The following ASIC4 variants were observed in gnomAD, a reference collection of about 807,000 sequenced individuals.
ASIC4 encodes the protein acid sensing ion channel subunit family member 4.
ASIC4 carries 28 observed loss-of-function variants against 53.4 expected under a neutral mutation model. That is an observed-to-expected ratio of 0.52 (90% CI 0.39 to 0.72). The LOEUF (loss-of-function observed/expected upper bound fraction) is 0.72. Among genes scored for constraint, ASIC4 ranks in the 30% least tolerant of loss-of-function variants. The probability of loss-of-function intolerance (pLI) is 0.00; values close to 1 mark genes in which losing one functional copy is unlikely to be tolerated. For synonymous variants in ASIC4, 289 were observed against 301.4 expected (o/e 0.96, Z 0.43); for missense variants, 649 against 729.7 (o/e 0.89, Z 1.27).
At chr2:219,514,221 T>C, upstream of ASIC4, 2 of 1,205,520 alleles carry the variant, frequency 1.7e-6, no homozygotes, top group Non-Finnish European at 2.2e-6. Flanking sequence ...GCCCCAGTCT[T>C]GGGATCTCTG....
At chr2:219,513,193 G>T (rs766468823), upstream of ASIC4, among the ~76,000 whole-genome samples, 1 of 151,160 alleles carries the variant, frequency 6.6e-6, no homozygotes, top group Non-Finnish European at 1.5e-5. Context: ...GCCCGTCCAC[G>T]CTTCCTCTCC....
Position 219,536,578 on chromosome 2 carries a change from C to T in ASIC4, c.1230-488C>T, listed in dbSNP as rs142817978. Among the ~76,000 whole-genome samples the T allele has an allele frequency of 2.7e-5, 4 of 150,920 alleles. No homozygotes were observed. Among genetic ancestry groups the T allele is most frequent in the East Asian group, 3.9e-4 (2 of 5,122 alleles). Reference sequence around the variant, plus strand: ...TCTGAGAGAGGAGGCAATGGGGAGGCGTCCAGTGACAGGACGTGGGGCGGT... The same window carrying T: ...TCTGAGAGAGGAGGCAATGGGGAGGTGTCCAGTGACAGGACGTGGGGCGGT... On this transcript the variant is annotated intron_variant, in intron 6 of 9. Coordinates refer to ENST00000358078, the MANE Select transcript of ASIC4 (RefSeq NM_018674.6). This position sits in a 1 kb window ranked among gnomAD's most constrained non-coding sequence, Gnocchi z 4.6.
intron 1 of ASIC4, among the ~76,000 whole-genome samples, chr2:219,519,280 T>C (rs1034344558): frequency 6.6e-6 from 1 of 152,242 alleles, no homozygotes; most frequent in African/African-American, 2.4e-5. Context: ...ACACATCGTA[T>C]ACTCTGTGTA....
intron 1 of ASIC4, among the ~76,000 whole-genome samples, chr2:219,527,367 C>A (rs1459156458): frequency 6.6e-6 from 1 of 152,270 alleles, no homozygotes; most frequent in African/African-American, 2.4e-5. Context: ...CCCTTTGTCA[C>A]CCCGACTCTG....
At chr2:219,507,443 G>A in the ASIC4 span, among the ~76,000 whole-genome samples, 1 of 152,250 alleles carries the variant, frequency 6.6e-6, no homozygotes, top group East Asian at 1.9e-4. Flanking sequence ...GCTTTTGGCA[G>A]GGTGGGGGTT....
intron 1 of ASIC4, among the ~76,000 whole-genome samples, chr2:219,530,231 G>A (rs924989769): frequency 6.6e-6 from 1 of 152,234 alleles, no homozygotes; most frequent in Admixed American, 6.5e-5. Context: ...GCCTGGCAGG[G>A]GGGAACTAGA....
At position 219,515,191 on chromosome 2, in the gene ASIC4, G is replaced by A. The variant is rs764587492; in HGVS notation, c.467G>A (p.Arg156His). 6 of 1,614,060 alleles carry A rather than the reference G, an allele frequency of 3.7e-6. No homozygotes were observed. Among genetic ancestry groups the A allele is most frequent in the Non-Finnish European group, 3.4e-6 (4 of 1,180,024 alleles). Residue 156 changes from arginine (R) to histidine (H), a missense_variant, in exon 1 of 10, where the codon CGC becomes CAC. Arg to His is a conservative substitution (Grantham distance 29, BLOSUM62 0). Transcript: ENST00000358078. ...DRDGHRAAGLRYPEPDMVDIL... is the reference protein window; with the variant it reads ...DRDGHRAAGLHYPEPDMVDIL... ...GATGGGCACCGTGCGGCTGGCCTGC[G>A]CTACCCAGAGCCTGACATGGTAGAC... is the stretch of plus-strand genomic sequence containing the variant.
intron 5 of ASIC4, chr2:219,533,308 C>G (rs1410276937): frequency 2.7e-6 from 1 of 373,776 alleles, no homozygotes; most frequent in Non-Finnish European, 5.1e-6. Flanking sequence ...CAAACCCCAT[C>G]TGTCCACAGA....
chr2:219,522,282 C>A (rs994351583), intron 1 of ASIC4, among the ~76,000 whole-genome samples: 1 of 151,954 alleles, frequency 6.6e-6, no homozygotes, highest in Non-Finnish European at 1.5e-5. Flanking sequence ...AAATCCGTGG[C>A]GCTTGGCTCA....
At position 219,534,345 on chromosome 2, in the gene ASIC4, G is replaced by A. The variant is rs895290435; in HGVS notation, c.1076-826G>A. On this transcript the variant is annotated intron_variant, in intron 5 of 9. Transcript: ENST00000358078. Reference sequence around the variant, plus strand: ...GAGTAAGGTGCCTGCAAGGCACAGCGGTAGACCACAGAGCTAGCAACATGG... The same window carrying A: ...GAGTAAGGTGCCTGCAAGGCACAGCAGTAGACCACAGAGCTAGCAACATGG... 7.9e-5 allele frequency among the ~76,000 whole-genome samples: 12 copies of A among 152,366 alleles called. 1 individual carries two copies. The highest frequency in any genetic ancestry group is 2.6e-4 in the Admixed American group (4 of 15,306).
chr2:219,514,796 G>C lies in ASIC4; in HGVS notation c.72G>C (p.Gly24=). Reference sequence around the variant, plus strand: ...CGAAACCCAAGGAGAAGGAGGCAGGGGATGAGCAGAGCCTCCTCGGGGCTG... The same window carrying C: ...CGAAACCCAAGGAGAAGGAGGCAGGCGATGAGCAGAGCCTCCTCGGGGCTG... ...EDAKPKEKEA[G]DEQSLLGAVA... Residue 24 remains glycine, a synonymous_variant, in exon 1 of 10, where the codon GGG becomes GGC. Transcript: ENST00000358078. The C allele has an allele frequency of 6.2e-7, 1 of 1,613,504 alleles. No homozygotes were observed. Among genetic ancestry groups the C allele is most frequent in the Non-Finnish European group, 8.5e-7 (1 of 1,180,002 alleles).
At chr2:219,521,902 C>G (rs867155881) in intron 1 of ASIC4, among the ~76,000 whole-genome samples, 2 of 152,120 alleles carry the variant, frequency 1.3e-5, no homozygotes, top group Admixed American at 6.5e-5. Context: ...TTTTGCAAAT[C>G]ATGGTGGAAA....
intron 1 of ASIC4, among the ~76,000 whole-genome samples, chr2:219,527,019 G>A (rs763086483): frequency 1.3e-5 from 2 of 152,204 alleles, no homozygotes; most frequent in Non-Finnish European, 2.9e-5. Context: ...TTCCGTGACC[G>A]GACCCTGGAC....
At chr2:219,535,380 G>A in intron 6 of ASIC4, 56 bp downstream of exon 6, 1 of 1,499,394 alleles carries the variant, frequency 6.7e-7, no homozygotes, top group Non-Finnish European at 9.0e-7. Context: ...ACGTGTGTGT[G>A]GGGGGTGGCT....
chr2:219,508,986 CAG>C, the ASIC4 span, among the ~76,000 whole-genome samples: 1 of 151,054 alleles, frequency 6.6e-6, no homozygotes, highest in Non-Finnish European at 1.5e-5. Flanking sequence ...GAGCCGGGGA[CAG>C]GGACCGAGTG....
In ASIC4 at chr2:219,516,793, G is replaced by A. The variant is rs1359415768; in HGVS notation, c.582+1487G>A. 6.6e-6 allele frequency: 1 copy of A among 152,464 alleles called. No homozygotes were observed. Among genetic ancestry groups the A allele is most frequent in the South Asian group, 2.1e-4 (1 of 4,826 alleles). The allele number at this position is 152,464 out of a possible 1,614,324, so 9.4% of individuals were successfully genotyped here. The stretch of plus-strand genomic sequence containing the variant: ...CTGGGGCCTCCCGCCATTGGGCAGG[G>A]GAGTTAGGTAGAAATAGAGGGACAG... On this transcript the variant is annotated intron_variant, in intron 1 of 9. Transcript: ENST00000358078. The surrounding 1 kb of genome is among the most constrained non-coding windows in gnomAD (Gnocchi z 4.9).
intron 1 of ASIC4, among the ~76,000 whole-genome samples, chr2:219,528,985 A>G (rs558907770): frequency 6.6e-6 from 1 of 151,984 alleles, no homozygotes; most frequent in South Asian, 2.1e-4. Flanking sequence ...TGGCCCATGG[A>G]CTCTCAGCCT....
chr2:219,522,111 T>C (rs1183631419), intron 1 of ASIC4, among the ~76,000 whole-genome samples: 1 of 152,124 alleles, frequency 6.6e-6, no homozygotes, highest in Non-Finnish European at 1.5e-5. Context: ...ATGCTCACCA[T>C]GCCCTTGGGA....
upstream of ASIC4, among the ~76,000 whole-genome samples, chr2:219,513,181 C>G (rs142264635): frequency 4.1e-4 from 62 of 152,254 alleles, no homozygotes; most frequent in South Asian, 6.8e-3. Flanking sequence ...CCACCTCCCC[C>G]CGCCCGTCCA....
Sources: gnomAD v4.1 joint callset for allele counts (sites outside exome capture counted in the v4.1 genomes callset) on GRCh38, gnomAD v4.1.1 for gene constraint, Gnocchi (gnomAD v3.1) non-coding constraint, MANE v1.5 for transcripts, NCBI Gene and HGNC (gene_info 2026-07-23, HGNC 2026-07-21) for gene names.